Variants in KHDRBS2 observed in about 807,000 individuals in gnomAD.
The protein encoded by KHDRBS2 is KH domain-containing, RNA-binding, signal transduction-associated protein 2.
KHDRBS2 carries 26 observed loss-of-function variants against 44.3 expected under a neutral mutation model. The ratio of observed to expected loss-of-function variants is 0.59; its 90% CI spans 0.43 to 0.81. KHDRBS2 has a LOEUF of 0.81. Ranked by LOEUF, KHDRBS2 falls within the 40% of genes least tolerant of loss-of-function variation. KHDRBS2 has a pLI of 0.00. For missense variants in KHDRBS2, 476 were observed against 433.1 expected (o/e 1.10, Z -0.88); for synonymous variants, 194 against 151.1 (o/e 1.28, Z -2.08).
intron 6 of KHDRBS2, among the ~76,000 whole-genome samples, chr6:61,744,414 A>G (rs1776588876): frequency 6.6e-6 from 1 of 152,142 alleles, no homozygotes; most frequent in Non-Finnish European, 1.5e-5. Context: ...GATGCTATCC[A>G]TTCTTTATGT....
intron 6 of KHDRBS2, among the ~76,000 whole-genome samples, chr6:61,882,998 G>T (rs1486187318): frequency 6.6e-6 from 1 of 151,962 alleles, no homozygotes; most frequent in African/African-American, 2.4e-5. Context: ...CCAATATAGG[G>T]TGTTAATTTT....
At chr6:62,216,565 G>C (rs1830006471) in intron 1 of KHDRBS2, among the ~76,000 whole-genome samples, 1 of 151,762 alleles carries the variant, frequency 6.6e-6, no homozygotes, top group South Asian at 2.1e-4. Context: ...CTCTGTGAAA[G>C]TGAAGTTCCA....
At chr6:62,133,072 C>T (rs770985090) in intron 2 of KHDRBS2, among the ~76,000 whole-genome samples, 19 of 151,212 alleles carry the variant, frequency 1.3e-4, no homozygotes, top group Non-Finnish European at 2.1e-4. Flanking sequence ...TACAAACGGG[C>T]TTTTTTTTTA....
At chr6:62,168,348 T>C (rs565273957) in intron 2 of KHDRBS2, among the ~76,000 whole-genome samples, 2 of 152,266 alleles carry the variant, frequency 1.3e-5, no homozygotes, top group East Asian at 1.9e-4. Flanking sequence ...CACAGAATTC[T>C]AAAAGTACAT....
At chr6:61,773,519 GT>G (rs1398231107) in intron 6 of KHDRBS2, among the ~76,000 whole-genome samples, 1 of 151,764 alleles carries the variant, frequency 6.6e-6, no homozygotes, top group African/African-American at 2.4e-5. Context: ...TTTGTTTTGA[GT>G]TCATTGTAGA....
chr6:61,574,261 C>T, the KHDRBS2 span: 27 of 1,113,234 alleles, frequency 2.4e-5, no homozygotes, highest in South Asian at 7.9e-5. Flanking sequence ...ATATGTTTAA[C>T]GGCCGTGGTA....
rs552845089 is a variant in KHDRBS2, at chr6:62,123,967, T to C, written c.219+53218A>G. On this transcript the variant is annotated intron_variant, in intron 2 of 8. Transcript: ENST00000281156. ...ACATGCAGAATAGATAAAATCCTAT[T>C]ACACTGATTCATTGATTTTTCCCCC... Among the ~76,000 whole-genome samples the C allele has an allele frequency of 3.9e-5, 6 of 152,368 alleles. No individual in the cohort carries two copies. In the South Asian group the frequency reaches 1.2e-3, roughly 32 times the overall value.
intron 8 of KHDRBS2, among the ~76,000 whole-genome samples, chr6:61,682,912 T>C (rs1766457212): frequency 6.6e-6 from 1 of 151,892 alleles, no homozygotes; most frequent in Non-Finnish European, 1.5e-5. Flanking sequence ...CTTAGCCTTA[T>C]GTAAAATGAA....
intron 8 of KHDRBS2, among the ~76,000 whole-genome samples, chr6:61,691,378 A>G (rs1767377009): frequency 1.3e-5 from 2 of 152,096 alleles, no homozygotes; most frequent in South Asian, 4.1e-4. Context: ...AATAGCAAAA[A>G]GAGAAAGCTA....
chr6:61,964,312 A>G (rs1769420390), intron 4 of KHDRBS2, among the ~76,000 whole-genome samples: 1 of 152,062 alleles, frequency 6.6e-6, no homozygotes, highest in Non-Finnish European at 1.5e-5. Context: ...GTAAGAGGCT[A>G]TGTTCATCAA....
the KHDRBS2 span, among the ~76,000 whole-genome samples, chr6:61,583,755 C>T: frequency 3.3e-4 from 50 of 151,560 alleles, no homozygotes; most frequent in South Asian, 7.9e-3. Context: ...AATAATCTTG[C>T]TAATATTTTT....
At chr6:62,020,279 A>G (rs1782015972) in intron 3 of KHDRBS2, among the ~76,000 whole-genome samples, 1 of 151,964 alleles carries the variant, frequency 6.6e-6, no homozygotes, top group South Asian at 2.1e-4. Flanking sequence ...TTATTTGCTT[A>G]TTGATTCCTA....
At chr6:61,866,122 A>G (rs1475884863) in intron 6 of KHDRBS2, among the ~76,000 whole-genome samples, 2 of 152,170 alleles carry the variant, frequency 1.3e-5, no homozygotes, top group African/African-American at 4.8e-5. Context: ...CCACTAGGCA[A>G]TGTCCCTGTA....
intron 2 of KHDRBS2, among the ~76,000 whole-genome samples, chr6:62,086,520 C>G (rs1176674659): frequency 6.6e-6 from 1 of 152,086 alleles, no homozygotes; most frequent in Non-Finnish European, 1.5e-5. Flanking sequence ...GTTGAAATCT[C>G]CTGGAATGCT....
chr6:61,577,726 G>T, the KHDRBS2 span, among the ~76,000 whole-genome samples: 4 of 152,056 alleles, frequency 2.6e-5, no homozygotes, highest in Non-Finnish European at 5.9e-5. Context: ...TAGGAACAGA[G>T]TATAGAAATA....
At chr6:62,244,880 G>A (rs1835290731) in intron 1 of KHDRBS2, among the ~76,000 whole-genome samples, 1 of 151,968 alleles carries the variant, frequency 6.6e-6, no homozygotes, top group South Asian at 2.1e-4. Context: ...TAATGGGCAG[G>A]ACCAGCCAAA....
At chr6:62,016,275 A>G (rs568261479) in intron 3 of KHDRBS2, among the ~76,000 whole-genome samples, 1 of 152,066 alleles carries the variant, frequency 6.6e-6, no homozygotes, top group Admixed American at 6.6e-5. Flanking sequence ...TAATTTTTAG[A>G]AATAATTTGT....
chr6:61,667,094 A>G, the KHDRBS2 span, among the ~76,000 whole-genome samples: 2 of 150,402 alleles, frequency 1.3e-5, no homozygotes, highest in African/African-American at 4.9e-5. Flanking sequence ...AGACTTTTAA[A>G]CTCATTTAAA....
At chr6:61,660,210 A>G in the KHDRBS2 span, among the ~76,000 whole-genome samples, 59 of 151,960 alleles carry the variant, frequency 3.9e-4, 1 homozygote, top group East Asian at 8.2e-3. Context: ...TATATTGTAC[A>G]GGAGAATTTA....
Sources: allele counts gnomAD v4.1 joint callset (sites outside exome capture counted in the v4.1 genomes callset), GRCh38; gene constraint gnomAD v4.1.1; transcripts MANE v1.5; gene names NCBI Gene and HGNC (gene_info 2026-07-23, HGNC 2026-07-21).